Variants in PCDHA4 observed in about 807,000 individuals in gnomAD.
The protein encoded by PCDHA4 is protocadherin alpha 4.
A neutral mutation model predicts 61.4 loss-of-function variants in PCDHA4; 49 were observed. The ratio of observed to expected loss-of-function variants is 0.80; its 90% CI spans 0.63 to 1.01. The LOEUF (loss-of-function observed/expected upper bound fraction) is 1.01, where lower values mean the gene tolerates loss of function less well. PCDHA4 is among the 50% of genes least tolerant of loss of function. PCDHA4 has a pLI of 0.00. For synonymous variants in PCDHA4, 590 were observed against 550.3 expected, an observed-to-expected ratio of 1.07 and a Z score of -1.01; for missense variants, 1,254 against 1,235.8, an observed-to-expected ratio of 1.01 and a Z score of -0.22.
At chr5:140,942,311 G>A (rs781987580) in intron 1 of PCDHA4, among the ~76,000 whole-genome samples, 1 of 152,004 alleles carries the variant, frequency 6.6e-6, no homozygotes, top group Non-Finnish European at 1.5e-5. Flanking sequence ...TTGGGAGGTC[G>A]AGGCACAAGA....
rs2098419648 is a variant in PCDHA4 at position 141,011,160 on chromosome 5, A to AT, written c.*1224dup. The AT allele has an allele frequency of 6.5e-6, 1 of 153,706 alleles. No homozygotes were observed. The highest frequency in any genetic ancestry group is 2.4e-5 in the African/African-American group (1 of 41,436). 9.5% of individuals were successfully genotyped at this position (153,706 alleles called of 1,614,324 possible). A position where few individuals can be genotyped will look rare whatever the true frequency, so the allele number is the denominator to read the frequency against. ...TACACAACCTTCTCTAACCAACTAT[A>AT]TATCAAGACCCAAAAATTGAAGAAA... On this transcript the variant is annotated 3_prime_UTR_variant, in exon 4 of 4. Coordinates refer to ENST00000530339, the MANE Select transcript of PCDHA4 (RefSeq NM_018907.4).
intron 1 of PCDHA4, chr5:140,867,901 G>A (rs1554161610): frequency 1.3e-5 from 2 of 152,058 alleles, no homozygotes; most frequent in African/African-American, 4.8e-5. Flanking sequence ...GGTACTTACA[G>A]AAGGTATAAT....
At chr5:140,968,173 C>T (rs782043932) in intron 1 of PCDHA4, 10 of 1,614,104 alleles carry the variant, frequency 6.2e-6, no homozygotes, top group Admixed American at 1.7e-5. Flanking sequence ...CACCAAGCTT[C>T]CTGGAGGACT....
At chr5:140,843,515 T>TGCCGGGCGGGC in intron 1 of PCDHA4, 1 of 1,595,536 alleles carries the variant, frequency 6.3e-7, no homozygotes, top group Non-Finnish European at 8.6e-7. Context: ...TGAGGGCGGG[T>TGCCGGGCGGGC]GCCGGGCGGG....
chr5:140,856,604 G>C lies in PCDHA4; in HGVS notation c.2385+47032G>C, dbSNP rs200468399. 1,451 of 1,597,840 alleles carry C rather than the reference G, an allele frequency of 9.1e-4. 118 individuals are homozygous for C. Among genetic ancestry groups the C allele is most frequent in the Non-Finnish European group, 8.3e-4 (967 of 1,167,426 alleles). ...TGTTCTTGATATTATAAACAAAAAA[G>C]ACAAAGACAAATTCCCAGTGCTTGT... On this transcript the variant is annotated intron_variant, in intron 1 of 3. Coordinates refer to ENST00000530339, the MANE Select transcript of PCDHA4 (RefSeq NM_018907.4).
intron 1 of PCDHA4, chr5:140,868,176 CAT>C (rs1246417615): frequency 2.0e-5 from 3 of 152,006 alleles, no homozygotes; most frequent in African/African-American, 7.2e-5. Flanking sequence ...TTTGATATCT[CAT>C]ATTATGCTAC....
intron 1 of PCDHA4, chr5:140,861,406 T>C (rs1301419453): frequency 2.3e-5 from 11 of 470,150 alleles, no homozygotes; most frequent in African/African-American, 2.2e-4. Flanking sequence ...CTTGTGGAGC[T>C]GATACCGCGC....
At chr5:140,823,614 G>C (rs2150127435) in intron 1 of PCDHA4, 1 of 1,614,046 alleles carries the variant, frequency 6.2e-7, no homozygotes, top group Non-Finnish European at 8.5e-7. Context: ...TGCAGCCAGC[G>C]CCTGGCAGTG....
At chr5:140,916,379 C>G (rs180755548) in intron 1 of PCDHA4, among the ~76,000 whole-genome samples, 2 of 152,302 alleles carry the variant, frequency 1.3e-5, no homozygotes, top group Admixed American at 6.5e-5. Context: ...GTAGCCACCA[C>G]AACTAGGAAT....
intron 1 of PCDHA4, chr5:140,829,830 T>C (rs1562311801): frequency 1.2e-6 from 2 of 1,613,890 alleles, no homozygotes; most frequent in Non-Finnish European, 8.5e-7. Context: ...GTGAGCGAGC[T>C]GGTGCCGCGG....
chr5:140,942,669 A>G (rs2093352340), intron 1 of PCDHA4, among the ~76,000 whole-genome samples: 1 of 152,212 alleles, frequency 6.6e-6, no homozygotes, highest in South Asian at 2.1e-4. Flanking sequence ...AATAAGCACA[A>G]AAGTTTTAGG....
At chr5:140,821,913 C>T (rs1767111561) in intron 1 of PCDHA4, 1 of 1,614,128 alleles carries the variant, frequency 6.2e-7, no homozygotes, top group African/African-American at 1.3e-5. Context: ...TCGTTGGCCG[C>T]ATCGCGCAGG....
chr5:140,919,982 G>A (rs2079388824), intron 1 of PCDHA4, among the ~76,000 whole-genome samples: 2 of 151,998 alleles, frequency 1.3e-5, no homozygotes, highest in Admixed American at 6.5e-5. Context: ...GATAGAAGAT[G>A]GAAAACAGAC....
chr5:140,827,843 C>T, intron 1 of PCDHA4: 1 of 460,554 alleles, frequency 2.2e-6, no homozygotes, highest in Non-Finnish European at 3.7e-6. Flanking sequence ...AAAGAAGATA[C>T]TGTTTTAAAA....
At chr5:140,824,425 C>T (rs1768118879) in intron 1 of PCDHA4, 1 of 502,786 alleles carries the variant, frequency 2.0e-6, no homozygotes, top group Non-Finnish European at 3.5e-6. Flanking sequence ...TGGAGTCATT[C>T]TCAAAGTTTC....
intron 1 of PCDHA4, among the ~76,000 whole-genome samples, chr5:140,907,747 G>A (rs782672220): frequency 7.9e-5 from 12 of 152,172 alleles, no homozygotes; most frequent in Admixed American, 2.0e-4. Flanking sequence ...TGGCCACTTT[G>A]TTCATGGGCC....
At chr5:140,921,920 TTA>T (rs1253318185) in intron 1 of PCDHA4, among the ~76,000 whole-genome samples, 1 of 151,888 alleles carries the variant, frequency 6.6e-6, no homozygotes, top group African/African-American at 2.4e-5. Flanking sequence ...ATGATAAAAC[TTA>T]TAGTCAATAT....
At position 141,010,340 on chromosome 5, in the gene PCDHA4, C is replaced by T. The variant is rs1400539624; in HGVS notation, c.*403C>T. 2 of 1,533,798 alleles carry T rather than the reference C, an allele frequency of 1.3e-6. No homozygotes were observed. Among genetic ancestry groups the T allele is most frequent in the Non-Finnish European group, 1.8e-6 (2 of 1,140,544 alleles). On this transcript the variant is annotated 3_prime_UTR_variant, in exon 4 of 4. Coordinates refer to ENST00000530339, the MANE Select transcript of PCDHA4 (RefSeq NM_018907.4). ...TGAGCAGCTTGGGAGTTTGTGGCCA[C>T]TGGGTATGTGTGGCTACCGCGGGTA...
rs2150236532 is a variant in PCDHA4, at chr5:140,835,484, C to G, written c.2385+25912C>G. The G allele has an allele frequency of 8.7e-6, 14 of 1,613,926 alleles. 1 individual carries two copies. The highest frequency in any genetic ancestry group is 1.6e-4 in the Middle Eastern group (1 of 6,062). ...TTCCAGAGGACGCCCAACCAGGTAC[C>G]GTCATCACATTGATTAGCGTGTTTG... On this transcript the variant is annotated intron_variant, in intron 1 of 3. Coordinates refer to ENST00000530339, the MANE Select transcript of PCDHA4 (RefSeq NM_018907.4).
Sources: allele counts gnomAD v4.1 joint callset (sites outside exome capture counted in the v4.1 genomes callset), GRCh38; gene constraint gnomAD v4.1.1; transcripts MANE v1.5; gene names NCBI Gene and HGNC (gene_info 2026-07-23, HGNC 2026-07-21).